SLC4A10: variants seen among roughly 807,000 people sequenced by gnomAD.
SLC4A10 encodes the protein sodium-driven chloride bicarbonate exchanger.
Under a neutral mutation model 137.7 loss-of-function variants are expected in SLC4A10, and 42 were observed. That is an observed-to-expected ratio of 0.30 (90% CI 0.24 to 0.39). SLC4A10 has a LOEUF of 0.39. Ranked by LOEUF, SLC4A10 falls within the 10% of genes least tolerant of loss-of-function variation. SLC4A10 has a pLI of 1.00. For synonymous variants in SLC4A10, 474 were observed against 464.1 expected, an observed-to-expected ratio of 1.02 and a Z score of -0.27; for missense variants, 925 against 1,355.0, an observed-to-expected ratio of 0.68 and a Z score of 4.98.
chr2:161,737,074 G>A (rs1574661435), intron 1 of SLC4A10, among the ~76,000 whole-genome samples: 1 of 151,948 alleles, frequency 6.6e-6, no homozygotes, highest in East Asian at 1.9e-4. Context: ...ACCCAGGTTG[G>A]TCTTAAACTC....
chr2:161,649,450 T>C (rs917865037), intron 1 of SLC4A10, among the ~76,000 whole-genome samples: 4 of 152,036 alleles, frequency 2.6e-5, no homozygotes, highest in Non-Finnish European at 5.9e-5. Context: ...TTTTCAAATT[T>C]AGTGGCCATT....
At chr2:161,854,587 G>A (rs1354722082) in intron 4 of SLC4A10, among the ~76,000 whole-genome samples, 5 of 151,976 alleles carry the variant, frequency 3.3e-5, no homozygotes, top group South Asian at 2.1e-4. Context: ...TCCCACTAAG[G>A]AAAAATAAGT....
At chr2:161,813,895 A>C (rs1345945963) in intron 3 of SLC4A10, among the ~76,000 whole-genome samples, 1 of 151,966 alleles carries the variant, frequency 6.6e-6, no homozygotes, top group Admixed American at 6.6e-5. Flanking sequence ...CCGTACACCA[A>C]CCAGAATCTC....
intron 6 of SLC4A10, among the ~76,000 whole-genome samples, chr2:161,868,998 TAA>T (rs1213436108): frequency 1.3e-5 from 2 of 151,584 alleles, no homozygotes; most frequent in African/African-American, 4.8e-5. Flanking sequence ...AAGAAACAGG[TAA>T]AAAGCATTTG....
chr2:161,725,403 A>T (rs927888659), intron 1 of SLC4A10, among the ~76,000 whole-genome samples: 13 of 152,208 alleles, frequency 8.5e-5, no homozygotes, highest in Non-Finnish European at 1.5e-4. Context: ...TGTTTCTGGC[A>T]CATTGTAAGC....
intron 3 of SLC4A10, among the ~76,000 whole-genome samples, chr2:161,832,716 CT>C (rs989577769): frequency 6.6e-6 from 1 of 151,696 alleles, no homozygotes; most frequent in Non-Finnish European, 1.5e-5. Flanking sequence ...TTTGCATTTT[CT>C]TTTTTTGTTG....
intron 2 of SLC4A10, among the ~76,000 whole-genome samples, chr2:161,788,355 G>A (rs2053854877): frequency 1.3e-5 from 2 of 151,740 alleles, no homozygotes; most frequent in South Asian, 4.2e-4. Flanking sequence ...TTTATTTGGT[G>A]GTGCAATTCA....
At chr2:161,769,521 A>T (rs2051305687) in intron 1 of SLC4A10, among the ~76,000 whole-genome samples, 1 of 151,912 alleles carries the variant, frequency 6.6e-6, no homozygotes, top group South Asian at 2.1e-4. Context: ...TTTCTTCATG[A>T]TAGATCACCT....
At chr2:161,826,384 C>A (rs2058021438) in intron 3 of SLC4A10, among the ~76,000 whole-genome samples, 1 of 152,168 alleles carries the variant, frequency 6.6e-6, no homozygotes, top group South Asian at 2.1e-4. Flanking sequence ...TTGTGTACTT[C>A]ATGACAGCAA....
Position 161,664,231 on chromosome 2 carries a change from A to G in SLC4A10, c.48+39665A>G, listed in dbSNP as rs935700134. Among the ~76,000 whole-genome samples the G allele has an allele frequency of 2.6e-5, 4 of 152,086 alleles. No individual in the cohort carries two copies. The South Asian group carries it at 8.3e-4, about 31-fold the overall frequency. ...TTTTGGTTATCTCTTTAACCATGTC[A>G]TAAGAGTTATTATGAAGCAACAAAC... is the stretch of plus-strand genomic sequence containing the variant. On this transcript the variant is annotated intron_variant, in intron 1 of 26. Transcript: ENST00000446997.
chr2:161,652,781 C>T (rs999747095), intron 1 of SLC4A10, among the ~76,000 whole-genome samples: 3 of 93,140 alleles, frequency 3.2e-5, no homozygotes, highest in Non-Finnish European at 6.3e-5. Context: ...TGAAAACCAC[C>T]GTTTATTCTT....
chr2:161,938,868 G>GA (rs963901931), intron 15 of SLC4A10, among the ~76,000 whole-genome samples: 27 of 150,566 alleles, frequency 1.8e-4, no homozygotes, highest in East Asian at 9.8e-4. Flanking sequence ...ATATCCTAGG[G>GA]AAAAAAAACC....
At chr2:161,717,656 T>C (rs1252101238) in intron 1 of SLC4A10, among the ~76,000 whole-genome samples, 1 of 152,158 alleles carries the variant, frequency 6.6e-6, no homozygotes, top group East Asian at 1.9e-4. Context: ...TTGATTGCGA[T>C]GGATAAGCTT....
chr2:161,927,707 C>T, intron 15 of SLC4A10, among the ~76,000 whole-genome samples: 1 of 152,120 alleles, frequency 6.6e-6, no homozygotes, highest in East Asian at 1.9e-4. Context: ...AAAAAGTGGG[C>T]AAAGGACATG....
intron 24 of SLC4A10, 76 bp downstream of exon 24, chr2:161,974,392 T>G: frequency 8.4e-7 from 1 of 1,187,430 alleles, no homozygotes; most frequent in African/African-American, 1.6e-5. Context: ...TTTCATACTG[T>G]GTAGATCCTC....
intron 1 of SLC4A10, among the ~76,000 whole-genome samples, chr2:161,744,335 A>C (rs937555868): frequency 6.6e-6 from 1 of 152,138 alleles, no homozygotes; most frequent in Non-Finnish European, 1.5e-5. Context: ...GATTCTTAAC[A>C]TGAAGGGATG....
intron 16 of SLC4A10, among the ~76,000 whole-genome samples, chr2:161,945,751 A>G (rs1321276440): frequency 6.6e-6 from 1 of 151,906 alleles, no homozygotes; most frequent in African/African-American, 2.4e-5. Context: ...AATAAATAAC[A>G]TTTTCAAATA....
intron 4 of SLC4A10, among the ~76,000 whole-genome samples, chr2:161,849,118 C>T (rs2059672977): frequency 1.3e-5 from 2 of 152,016 alleles, no homozygotes; most frequent in Non-Finnish European, 2.9e-5. Flanking sequence ...AGATCTTTTA[C>T]GTCCCTGTTT....
chr2:161,824,165 A>G (rs1361776626), intron 3 of SLC4A10, among the ~76,000 whole-genome samples: 1 of 152,200 alleles, frequency 6.6e-6, no homozygotes, highest in Admixed American at 6.5e-5. Context: ...TGTTAAAGTG[A>G]TCTACTTGCC....
Sources: gnomAD v4.1 joint callset for allele counts (sites outside exome capture counted in the v4.1 genomes callset) on GRCh38, gnomAD v4.1.1 for gene constraint, MANE v1.5 for transcripts, NCBI Gene and HGNC (gene_info 2026-07-23, HGNC 2026-07-21) for gene names.